Variants in PARP9 observed in about 807,000 individuals in gnomAD.
PARP9 encodes the protein protein mono-ADP-ribosyltransferase PARP9.
Under a neutral mutation model 68.8 loss-of-function variants are expected in PARP9, and 48 were observed. The observed-to-expected ratio is 0.70, with a 90% confidence interval of 0.55 to 0.89. The LOEUF is 0.89. PARP9 is among the 40% of genes least tolerant of loss of function. The pLI is 0.00. For synonymous variants in PARP9, 309 were observed against 333.8 expected, an observed-to-expected ratio of 0.93 and a Z score of 0.81; for missense variants, 806 against 969.3, an observed-to-expected ratio of 0.83 and a Z score of 2.24.
upstream of PARP9, chr3:122,564,465 G>A: frequency 1.9e-6 from 3 of 1,612,412 alleles, no homozygotes; most frequent in Non-Finnish European, 2.5e-6. Context: ...CGCTCCTCGT[G>A]CGGGTGTACA....
At chr3:122,563,562 C>CACTGTAGG (rs2080418346) in intron 1 of PARP9, among the ~76,000 whole-genome samples, 1 of 152,118 alleles carries the variant, frequency 6.6e-6, no homozygotes, top group Admixed American at 6.5e-5. Context: ...CCTACTGGCT[C>CACTGTAGG]CCATTGTATT....
chr3:122,554,313 CTT>C (rs757592588), intron 4 of PARP9, among the ~76,000 whole-genome samples: 38 of 152,292 alleles, frequency 2.5e-4, no homozygotes, highest in Non-Finnish European at 5.0e-4. Flanking sequence ...ATACTCCACT[CTT>C]GTCACAAATT....
intron 10 of PARP9, chr3:122,533,033 G>A (rs1202313146): frequency 6.6e-6 from 1 of 152,168 alleles, no homozygotes; most frequent in Non-Finnish European, 1.5e-5. Context: ...GATAATTCTG[G>A]TGGTAAAGGA....
At chr3:122,547,179 C>G (rs537619522) in intron 6 of PARP9, among the ~76,000 whole-genome samples, 75 of 145,870 alleles carry the variant, frequency 5.1e-4, no homozygotes, top group Non-Finnish European at 1.0e-3. Flanking sequence ...ACTGCAACCT[C>G]CGTCTCCCTG....
At position 122,528,149 on chromosome 3, in the gene PARP9, G is replaced by C. The variant is rs550313930; in HGVS notation, c.*215C>G. 1.8e-5 allele frequency: 8 copies of C among 450,188 alleles called. No individual in the cohort carries two copies. Among genetic ancestry groups the C allele is most frequent in the Non-Finnish European group, 3.1e-5 (8 of 258,634 alleles). 27.9% of individuals were successfully genotyped at this position (450,188 alleles called of 1,614,324 possible). On this transcript the variant is annotated 3_prime_UTR_variant, in exon 11 of 11. Coordinates refer to ENST00000682323, the MANE Select transcript of PARP9 (RefSeq NM_001146105.2). ...TGCAAGAGGAAGGAAGGTCCTGAAAGTGTTTCATTTGGTATCTACCTACCC... is the reference window on the plus strand; with the variant it reads ...TGCAAGAGGAAGGAAGGTCCTGAAACTGTTTCATTTGGTATCTACCTACCC...
At chr3:122,558,337 T>C (rs939880926) in intron 3 of PARP9, 97 bp downstream of exon 3, 22 of 1,613,934 alleles carry the variant, frequency 1.4e-5, no homozygotes, top group Non-Finnish European at 1.8e-5. Flanking sequence ...ACCTGAGCAC[T>C]TGTAGGGGAG....
chr3:122,556,718 AGG>A (rs1466670198), intron 3 of PARP9, among the ~76,000 whole-genome samples: 132 of 152,302 alleles, frequency 8.7e-4, no homozygotes, highest in Non-Finnish European at 1.7e-3. Context: ...ACGTGTAACT[AGG>A]CAGATGGAAC....
chr3:122,534,468 G>T, intron 10 of PARP9: 1 of 981,242 alleles, frequency 1.0e-6, no homozygotes, highest in Non-Finnish European at 1.2e-6. Context: ...GCCAGTGGCT[G>T]TTGTGTGTTT....
chr3:122,533,751 A>G (rs149687263), intron 10 of PARP9: 2 of 985,478 alleles, frequency 2.0e-6, no homozygotes, highest in East Asian at 2.3e-4. Context: ...CAAGTCCTAC[A>G]AGCAAGAGAT....
At chr3:122,550,914 C>A in intron 5 of PARP9, 112 bp from the exon 6 acceptor site, 1 of 918,666 alleles carries the variant, frequency 1.1e-6, no homozygotes, top group Non-Finnish European at 1.7e-6. Context: ...CCTCAGGGTT[C>A]GTGTCCCTGC....
At chr3:122,536,830 G>T in intron 9 of PARP9, 104 bp downstream of exon 9, 2 of 1,348,420 alleles carry the variant, frequency 1.5e-6, no homozygotes, top group South Asian at 1.4e-5. Context: ...CCAAGTCCAT[G>T]AGCAGCCAGC....
At chr3:122,558,656 C>T (rs1202749138) in intron 2 of PARP9, among the ~76,000 whole-genome samples, 189 bp from the exon 3 acceptor site, 1 of 152,156 alleles carries the variant, frequency 6.6e-6, no homozygotes. Context: ...AATGTGCCAG[C>T]AAACATTGGC....
rs565358788 is a variant in PARP9 at position 122,563,258 on chromosome 3, G to A, written c.-90+987C>T. ...ACCATCTAAATATGTCCTGTCCAGG[G>A]TGGACTATCAGCCTCACATAGCTAC... On this transcript the variant is annotated intron_variant, in intron 1 of 10. Coordinates refer to ENST00000682323, the MANE Select transcript of PARP9 (RefSeq NM_001146105.2). Among the ~76,000 whole-genome samples, 19 of 152,280 alleles carry A rather than the reference G, an allele frequency of 1.2e-4. No individual in the cohort carries two copies. The South Asian group carries it at 3.9e-3, about 32-fold the overall frequency.
intron 8 of PARP9, among the ~76,000 whole-genome samples, chr3:122,539,754 G>A (rs1394921575): frequency 2.0e-5 from 3 of 152,020 alleles, no homozygotes; most frequent in Non-Finnish European, 4.4e-5. Flanking sequence ...AGTAGAGACA[G>A]AGTTTCTCCA....
intron 9 of PARP9, 77 bp downstream of exon 9, chr3:122,536,857 G>T (rs1257983084): frequency 6.7e-7 from 1 of 1,498,942 alleles, no homozygotes; most frequent in Non-Finnish European, 9.0e-7. Context: ...TCATCAGCAG[G>T]TGAGCTTTTC....
intron 6 of PARP9, 119 bp downstream of exon 6, chr3:122,550,465 A>T: frequency 1.2e-6 from 1 of 814,514 alleles, no homozygotes; most frequent in Non-Finnish European, 1.9e-6. Flanking sequence ...GAACACCACC[A>T]CACTGTACAG....
chr3:122,554,039 G>C (rs2079433238), intron 4 of PARP9, among the ~76,000 whole-genome samples: 1 of 152,046 alleles, frequency 6.6e-6, no homozygotes, highest in African/African-American at 2.4e-5. Flanking sequence ...GTGACCCCCA[G>C]CTAAATGCTT....
chr3:122,538,692 A>T (rs199988309), intron 8 of PARP9, among the ~76,000 whole-genome samples: 5 of 145,902 alleles, frequency 3.4e-5, no homozygotes, highest in South Asian at 2.2e-4. Flanking sequence ...ACACACACAC[A>T]CTCTAACAAA....
rs144389968 is a variant in PARP9 at position 122,539,507 on chromosome 3, A to ATTTCTTTCTTTCTTTCTTTCTTTC, written c.1765+941_1765+964dup. On this transcript the variant is annotated intron_variant, in intron 8 of 10. Coordinates refer to ENST00000682323, the MANE Select transcript of PARP9 (RefSeq NM_001146105.2). The stretch of plus-strand genomic sequence containing the variant: ...CTCTATCTCTATCTCCCAAGATGGC[A>ATTTCTTTCTTTCTTTCTTTCTTTC]TTTCTTTCTTTCTTTCTTTCTTTCT... Among the ~76,000 whole-genome samples, 107 of 133,222 alleles carry ATTTCTTTCTTTCTTTCTTTCTTTC rather than the reference A, an allele frequency of 8.0e-4. 2 individuals are homozygous for ATTTCTTTCTTTCTTTCTTTCTTTC. Among genetic ancestry groups the ATTTCTTTCTTTCTTTCTTTCTTTC allele is most frequent in the African/African-American group, 1.6e-3 (56 of 34,036 alleles). 87.4% of individuals were successfully genotyped at this position (133,222 alleles called of 152,430 possible).
Sources: gnomAD v4.1 joint callset for allele counts (sites outside exome capture counted in the v4.1 genomes callset) on GRCh38, gnomAD v4.1.1 for gene constraint, MANE v1.5 for transcripts, NCBI Gene and HGNC (gene_info 2026-07-23, HGNC 2026-07-21) for gene names.